The following IMMP2L variants were observed in gnomAD, a reference collection of about 807,000 sequenced individuals.
The protein encoded by IMMP2L is mitochondrial inner membrane protease subunit 2.
In IMMP2L, 18 loss-of-function variants were observed where a neutral mutation model predicts 19.3. That is an observed-to-expected ratio of 0.93 (90% CI 0.64 to 1.38). IMMP2L has a LOEUF of 1.38. IMMP2L is among the 40% of genes most tolerant of loss of function. The pLI, the probability that IMMP2L is intolerant of heterozygous loss-of-function variation, is 0.00. For synonymous variants in IMMP2L, 76 were observed against 73.0 expected, an observed-to-expected ratio of 1.04 and a Z score of -0.21; for missense variants, 233 against 218.2, an observed-to-expected ratio of 1.07 and a Z score of -0.43.
At chr7:111,002,300 A>C (rs2129561486) in intron 3 of IMMP2L, among the ~76,000 whole-genome samples, 1 of 152,302 alleles carries the variant, frequency 6.6e-6, no homozygotes, top group South Asian at 2.1e-4. Context: ...TCAAAGGTGT[A>C]AAGATCCCAG....
chr7:110,752,215 T>C (rs1011094569), intron 5 of IMMP2L, among the ~76,000 whole-genome samples: 1 of 152,038 alleles, frequency 6.6e-6, no homozygotes, highest in Non-Finnish European at 1.5e-5. Context: ...TTATATAGGA[T>C]ATATAATCTC....
intron 3 of IMMP2L, among the ~76,000 whole-genome samples, chr7:111,083,165 C>A (rs754779577): frequency 6.6e-6 from 1 of 151,820 alleles, no homozygotes; most frequent in African/African-American, 2.4e-5. Context: ...AGTTTCAGGA[C>A]GACACAATAA....
At chr7:111,559,131 G>T (rs138269443) in intron 1 of IMMP2L, among the ~76,000 whole-genome samples, 1 of 152,148 alleles carries the variant, frequency 6.6e-6, no homozygotes, top group African/African-American at 2.4e-5. Context: ...ACAAACTATA[G>T]CAGTACAGTT....
At chr7:110,941,451 C>T (rs1212223311) in intron 4 of IMMP2L, among the ~76,000 whole-genome samples, 1 of 152,120 alleles carries the variant, frequency 6.6e-6, no homozygotes, top group East Asian at 1.9e-4. Flanking sequence ...AAACAAAAGA[C>T]ATCTCTTCAG....
intron 5 of IMMP2L, among the ~76,000 whole-genome samples, chr7:110,879,172 A>G (rs975591862): frequency 2.0e-5 from 3 of 152,064 alleles, no homozygotes; most frequent in South Asian, 2.1e-4. Context: ...GGATGGATCA[A>G]TTGAGGCCAG....
chr7:110,908,217 A>C (rs1309261603), intron 4 of IMMP2L, among the ~76,000 whole-genome samples: 1 of 152,032 alleles, frequency 6.6e-6, no homozygotes, highest in African/African-American at 2.4e-5. Flanking sequence ...TCCAGAAAAA[A>C]ACTGACCCCT....
At chr7:111,489,090 C>A (rs1402464731) in intron 2 of IMMP2L, among the ~76,000 whole-genome samples, 1 of 137,184 alleles carries the variant, frequency 7.3e-6, no homozygotes, top group Admixed American at 7.9e-5. Flanking sequence ...GTCGCCCAGG[C>A]TGGAGTGCAG....
chr7:110,952,827 G>C (rs1293735739), intron 4 of IMMP2L, among the ~76,000 whole-genome samples: 1 of 152,070 alleles, frequency 6.6e-6, no homozygotes, highest in Non-Finnish European at 1.5e-5. Context: ...TAGATATAGT[G>C]AGTTTAATAT....
chr7:110,983,753 C>T (rs74676020), intron 3 of IMMP2L, among the ~76,000 whole-genome samples: 3,827 of 151,722 alleles, frequency 0.025, 137 homozygotes, highest in African/African-American at 0.087. Context: ...GAATACTAGC[C>T]CTTCTAAGGA....
At chr7:111,527,604 T>C (rs1847002205) in intron 1 of IMMP2L, among the ~76,000 whole-genome samples, 1 of 152,122 alleles carries the variant, frequency 6.6e-6, no homozygotes. Context: ...TTTTAAGTAT[T>C]GAAAATAAAA....
chr7:110,951,002 A>G (rs1817780711), intron 4 of IMMP2L, among the ~76,000 whole-genome samples: 1 of 151,724 alleles, frequency 6.6e-6, no homozygotes, highest in African/African-American at 2.4e-5. Context: ...CGACAGTATT[A>G]TGCTGAGTTA....
intron 3 of IMMP2L, among the ~76,000 whole-genome samples, chr7:111,447,749 AG>A (rs1838655548): frequency 6.6e-6 from 1 of 151,736 alleles, no homozygotes; most frequent in Non-Finnish European, 1.5e-5. Flanking sequence ...TCCAATTAAA[AG>A]ACACAGACTG....
At chr7:111,283,303 G>A (rs935165671) in intron 3 of IMMP2L, among the ~76,000 whole-genome samples, 2 of 152,160 alleles carry the variant, frequency 1.3e-5, no homozygotes, top group African/African-American at 4.8e-5. Flanking sequence ...CTAGCAAGGA[G>A]CTAAATGTGC....
At chr7:111,548,106 G>T (rs1849104789) in intron 1 of IMMP2L, among the ~76,000 whole-genome samples, 1 of 151,990 alleles carries the variant, frequency 6.6e-6, no homozygotes, top group Non-Finnish European at 1.5e-5. Flanking sequence ...CGTTTAGCCT[G>T]GGTAGTGAGA....
intron 3 of IMMP2L, among the ~76,000 whole-genome samples, chr7:111,399,983 T>G (rs1833267167): frequency 6.6e-6 from 1 of 152,080 alleles, no homozygotes; most frequent in Non-Finnish European, 1.5e-5. Context: ...ACTCAATTCC[T>G]CTAGCTATTG....
intron 5 of IMMP2L, among the ~76,000 whole-genome samples, chr7:110,774,483 A>G (rs559385782): frequency 2.0e-5 from 3 of 152,232 alleles, no homozygotes; most frequent in East Asian, 1.9e-4. Context: ...AACCCTTCAC[A>G]TATTATGAAA....
intron 4 of IMMP2L, among the ~76,000 whole-genome samples, chr7:110,952,266 G>A (rs912433777): frequency 6.6e-6 from 1 of 152,166 alleles, no homozygotes; most frequent in Non-Finnish European, 1.5e-5. Context: ...AATTGAGCCA[G>A]CAGTAAAGAA....
intron 4 of IMMP2L, among the ~76,000 whole-genome samples, chr7:110,953,755 A>C (rs1818078276): frequency 6.6e-6 from 1 of 152,138 alleles, no homozygotes. Flanking sequence ...TGTCTACCAC[A>C]ATGGTTGAAC....
intron 3 of IMMP2L, among the ~76,000 whole-genome samples, chr7:111,147,316 T>C (rs1477189695): frequency 2.6e-5 from 4 of 152,122 alleles, no homozygotes; most frequent in African/African-American, 9.7e-5. Context: ...TTCACATAAA[T>C]CAATAAGAAA....
Sources: gnomAD v4.1 joint callset for allele counts (sites outside exome capture counted in the v4.1 genomes callset) on GRCh38, gnomAD v4.1.1 for gene constraint, MANE v1.5 for transcripts, NCBI Gene and HGNC (gene_info 2026-07-23, HGNC 2026-07-21) for gene names.